The following LARGE1 variants were observed in gnomAD, a reference collection of about 807,000 sequenced individuals.
The protein encoded by LARGE1 is xylosyl- and glucuronyltransferase LARGE1.
Under a neutral mutation model 87.6 loss-of-function variants are expected in LARGE1, and 43 were observed. The ratio of observed to expected loss-of-function variants is 0.49; its 90% CI spans 0.38 to 0.63. The LOEUF (loss-of-function observed/expected upper bound fraction) is 0.63. Ranked by LOEUF, LARGE1 falls within the 30% of genes least tolerant of loss-of-function variation. The probability of loss-of-function intolerance (pLI) is 0.00; values close to 1 mark genes in which losing one functional copy is unlikely to be tolerated. For missense variants in LARGE1, 802 were observed against 1,000.2 expected (o/e 0.80, Z 2.67); for synonymous variants, 434 against 394.6 (o/e 1.10, Z -1.18).
chr22:33,809,099 C>A (rs938620203), intron 1 of LARGE1, among the ~76,000 whole-genome samples: 7 of 152,022 alleles, frequency 4.6e-5, no homozygotes, highest in Non-Finnish European at 8.8e-5. Flanking sequence ...TGGAGAAACC[C>A]CATCTCTACT....
chr22:33,852,965 G>A (rs1243203438), intron 1 of LARGE1, among the ~76,000 whole-genome samples: 1 of 151,628 alleles, frequency 6.6e-6, no homozygotes, highest in African/African-American at 2.4e-5. Context: ...AATGCCAGGC[G>A]AGGGTCACAG....
chr22:33,445,614 A>G (rs1047780875), intron 6 of LARGE1, among the ~76,000 whole-genome samples: 4 of 151,400 alleles, frequency 2.6e-5, no homozygotes, highest in Admixed American at 2.6e-4. Flanking sequence ...TTCCTGGGTG[A>G]CAGGGGCAAC....
At chr22:33,354,351 C>T (rs990036150) in intron 9 of LARGE1, among the ~76,000 whole-genome samples, 1 of 151,958 alleles carries the variant, frequency 6.6e-6, no homozygotes, top group Non-Finnish European at 1.5e-5. Context: ...AATTAACTTG[C>T]AAATAAAAAA....
chr22:33,916,093 G>A (rs544699642), intron 1 of LARGE1, among the ~76,000 whole-genome samples: 37 of 151,988 alleles, frequency 2.4e-4, no homozygotes, highest in Admixed American at 2.4e-3. Context: ...CCAGCCTGGC[G>A]AAGATGGTGA....
intron 9 of LARGE1, among the ~76,000 whole-genome samples, chr22:33,365,447 C>T (rs988378510): frequency 6.6e-6 from 1 of 152,080 alleles, no homozygotes; most frequent in Non-Finnish European, 1.5e-5. Flanking sequence ...TGATGAACAG[C>T]GAGGCTATAT....
chr22:33,771,933 A>G (rs2085079617), intron 1 of LARGE1, among the ~76,000 whole-genome samples: 1 of 152,194 alleles, frequency 6.6e-6, no homozygotes, highest in Non-Finnish European at 1.5e-5. Context: ...CATGCCTCGC[A>G]TACATCGTCC....
chr22:33,722,886 A>C (rs1202894578), intron 2 of LARGE1, among the ~76,000 whole-genome samples: 3 of 152,154 alleles, frequency 2.0e-5, no homozygotes, highest in Non-Finnish European at 4.4e-5. Flanking sequence ...TGGGGTCGCA[A>C]GTGGGAGTTG....
At chr22:33,713,786 G>A (rs886442712) in intron 2 of LARGE1, among the ~76,000 whole-genome samples, 9 of 151,770 alleles carry the variant, frequency 5.9e-5, no homozygotes, top group Non-Finnish European at 8.8e-5. Context: ...GCGAGACACC[G>A]TGCCTACAAA....
At chr22:33,448,130 G>A (rs367794781) in intron 6 of LARGE1, among the ~76,000 whole-genome samples, 48 of 152,088 alleles carry the variant, frequency 3.2e-4, no homozygotes, top group African/African-American at 1.0e-3. Context: ...GTGGGTTCGC[G>A]GTGTTTTCCT....
intron 11 of LARGE1, among the ~76,000 whole-genome samples, chr22:33,170,256 C>T (rs138647457): frequency 0.026 from 3,902 of 152,104 alleles, 73 homozygotes; most frequent in Non-Finnish European, 0.04. Flanking sequence ...GTAATCCCAG[C>T]TACTCAGGAG....
At chr22:33,110,538 A>G in the LARGE1 span, 1 of 152,266 alleles carries the variant, frequency 6.6e-6, no homozygotes, top group African/African-American at 2.4e-5. Context: ...ACACTGGTGC[A>G]GCGGTGGGAA....
intron 1 of LARGE1, among the ~76,000 whole-genome samples, chr22:33,793,557 A>G (rs2085888010): frequency 6.6e-6 from 1 of 152,244 alleles, no homozygotes; most frequent in Non-Finnish European, 1.5e-5. Flanking sequence ...GAAACCCGGC[A>G]CAGGCTGTGA....
chr22:33,328,532 T>C (rs1569060759), intron 10 of LARGE1, among the ~76,000 whole-genome samples: 4 of 151,828 alleles, frequency 2.6e-5, no homozygotes, highest in Admixed American at 1.3e-4. Context: ...TGAGCCGACA[T>C]TGTGCCACTG....
At chr22:33,834,763 A>G (rs1274576625) in intron 1 of LARGE1, among the ~76,000 whole-genome samples, 1 of 152,258 alleles carries the variant, frequency 6.6e-6, no homozygotes, top group African/African-American at 2.4e-5. Context: ...TTTTTACTAT[A>G]AACATTTAAG....
At chr22:33,079,007 CT>C in the LARGE1 span, among the ~76,000 whole-genome samples, 1 of 152,176 alleles carries the variant, frequency 6.6e-6, no homozygotes, top group Non-Finnish European at 1.5e-5. Context: ...AGCATGGATG[CT>C]GGAGCTGGAT....
At chr22:33,491,791 T>G (rs2069853582) in intron 6 of LARGE1, among the ~76,000 whole-genome samples, 2 of 152,178 alleles carry the variant, frequency 1.3e-5, no homozygotes, top group African/African-American at 4.8e-5. Context: ...ATTGCATAGT[T>G]GAAACAAAAT....
At chr22:33,523,035 A>G (rs1355858924) in intron 6 of LARGE1, among the ~76,000 whole-genome samples, 1 of 151,282 alleles carries the variant, frequency 6.6e-6, no homozygotes, top group African/African-American at 2.4e-5. Context: ...ATGGAGTTTC[A>G]CTCTTGTTGC....
At chr22:33,412,472 T>C (rs1220448179) in intron 7 of LARGE1, among the ~76,000 whole-genome samples, 1 of 152,048 alleles carries the variant, frequency 6.6e-6, no homozygotes. Flanking sequence ...TATGAAGGGA[T>C]GTGCAGCACG....
intron 11 of LARGE1, among the ~76,000 whole-genome samples, chr22:33,264,657 TCAAAA>T (rs370150198): frequency 1.7e-4 from 26 of 152,198 alleles, no homozygotes; most frequent in African/African-American, 4.6e-4. Flanking sequence ...AGACTTCATA[TCAAAA>T]CAAAACAAAA....
Sources: gnomAD v4.1 joint callset for allele counts (sites outside exome capture counted in the v4.1 genomes callset) on GRCh38, gnomAD v4.1.1 for gene constraint, MANE v1.5 for transcripts, NCBI Gene and HGNC (gene_info 2026-07-23, HGNC 2026-07-21) for gene names.